ATAD1: variants seen among roughly 807,000 people sequenced by gnomAD.
ATAD1 encodes the protein outer mitochondrial transmembrane helix translocase.
ATAD1 carries 18 observed loss-of-function variants against 42.7 expected under a neutral mutation model. The ratio of observed to expected loss-of-function variants is 0.42; its 90% CI spans 0.29 to 0.63. The LOEUF (loss-of-function observed/expected upper bound fraction) is 0.63. Ranked by LOEUF, ATAD1 falls within the 20% of genes least tolerant of loss-of-function variation. The pLI is 0.19. For synonymous variants in ATAD1, 132 were observed against 143.1 expected (o/e 0.92, Z 0.55); for missense variants, 294 against 440.4 (o/e 0.67, Z 2.98).
chr10:87,809,665 ATTTATTTTG>A (rs1857090532), intron 2 of ATAD1, among the ~76,000 whole-genome samples: 1 of 150,592 alleles, frequency 6.6e-6, no homozygotes, highest in Non-Finnish European at 1.5e-5. Flanking sequence ...TTATTTATTT[ATTTATTTTG>A]AGATGGAGTT....
intron 2 of ATAD1, among the ~76,000 whole-genome samples, chr10:87,813,342 A>T (rs892622484): frequency 4.6e-5 from 7 of 151,684 alleles, no homozygotes; most frequent in Non-Finnish European, 5.9e-5. Flanking sequence ...ATATACTCAA[A>T]CTAGTTTTTC....
At chr10:87,776,093 T>C (rs186475806) in intron 6 of ATAD1, among the ~76,000 whole-genome samples, 14 of 152,324 alleles carry the variant, frequency 9.2e-5, no homozygotes, top group African/African-American at 2.9e-4. Context: ...TCTTCTGCTG[T>C]GTCTGTTTCA....
At chr10:87,767,202 C>T (rs1163804350) in intron 8 of ATAD1, among the ~76,000 whole-genome samples, 1 of 152,058 alleles carries the variant, frequency 6.6e-6, no homozygotes, top group East Asian at 1.9e-4. Context: ...ACCATAGTTA[C>T]TGAGTTACAT....
At chr10:87,796,705 A>G (rs1296328853) in intron 2 of ATAD1, among the ~76,000 whole-genome samples, 1 of 152,196 alleles carries the variant, frequency 6.6e-6, no homozygotes, top group Non-Finnish European at 1.5e-5. Flanking sequence ...CATTTTGGTG[A>G]CCATGAAGGG....
chr10:87,812,141 G>T (rs1487386830), intron 2 of ATAD1, among the ~76,000 whole-genome samples: 1 of 152,120 alleles, frequency 6.6e-6, no homozygotes, highest in African/African-American at 2.4e-5. Flanking sequence ...CTTGCTTCTA[G>T]TACCTCTTGA....
intron 2 of ATAD1, among the ~76,000 whole-genome samples, chr10:87,802,438 TG>T (rs1363770717): frequency 6.6e-6 from 1 of 152,302 alleles, no homozygotes; most frequent in African/African-American, 2.4e-5. Flanking sequence ...TACAAATCCA[TG>T]GCTGGGCTTG....
intron 1 of ATAD1, among the ~76,000 whole-genome samples, chr10:87,831,092 T>C (rs1021790054): frequency 2.0e-5 from 3 of 152,196 alleles, no homozygotes; most frequent in African/African-American, 7.2e-5. Flanking sequence ...CTTGGTTTTC[T>C]CATGTATAAA....
At chr10:87,756,396 T>G (rs929866768) in intron 9 of ATAD1, among the ~76,000 whole-genome samples, 2 of 152,244 alleles carry the variant, frequency 1.3e-5, no homozygotes, top group South Asian at 2.1e-4. Context: ...TCACTATACT[T>G]TGGAACTGGT....
At chr10:87,783,298 G>A (rs1855658598) in intron 5 of ATAD1, among the ~76,000 whole-genome samples, 1 of 152,036 alleles carries the variant, frequency 6.6e-6, no homozygotes, top group Admixed American at 6.6e-5. Flanking sequence ...TTGAGCCTGG[G>A]GAGGTTGAGG....
chr10:87,786,954 CAA>C (rs762275082), intron 4 of ATAD1, among the ~76,000 whole-genome samples: 6 of 128,254 alleles, frequency 4.7e-5, no homozygotes, highest in East Asian at 2.3e-4. Context: ...GACTCCGTCT[CAA>C]AAAAAAAAAA....
intron 5 of ATAD1, among the ~76,000 whole-genome samples, chr10:87,781,606 T>C (rs1855561786): frequency 6.6e-6 from 1 of 152,000 alleles, no homozygotes; most frequent in African/African-American, 2.4e-5. Flanking sequence ...CAGAACTAAA[T>C]GACAAACTGT....
At chr10:87,812,770 A>G (rs1221875445) in intron 2 of ATAD1, among the ~76,000 whole-genome samples, 1 of 152,172 alleles carries the variant, frequency 6.6e-6, no homozygotes, top group African/African-American at 2.4e-5. Context: ...TGTATTTTTT[A>G]TCAGCCTCAG....
At chr10:87,758,848 T>C (rs943201144) in intron 8 of ATAD1, among the ~76,000 whole-genome samples, 2 of 152,158 alleles carry the variant, frequency 1.3e-5, no homozygotes, top group African/African-American at 2.4e-5. Flanking sequence ...TAATTACATA[T>C]AAAAATGGGC....
At chr10:87,802,347 C>T (rs1194829323) in intron 2 of ATAD1, among the ~76,000 whole-genome samples, 1 of 152,150 alleles carries the variant, frequency 6.6e-6, no homozygotes, top group Non-Finnish European at 1.5e-5. Context: ...AAGAATGTCA[C>T]TTTCTGACAG....
At chr10:87,791,030 C>CAAAAAAAAAAAAAAA in intron 3 of ATAD1, among the ~76,000 whole-genome samples, 1 of 66,276 alleles carries the variant, frequency 1.5e-5, no homozygotes, top group Non-Finnish European at 2.9e-5. Flanking sequence ...ACTAAAATTA[C>CAAAAAAAAAAAAAAA]AAAAAAAAAA....
At chr10:87,786,206 C>T (rs1240228172) in intron 4 of ATAD1, among the ~76,000 whole-genome samples, 1 of 152,156 alleles carries the variant, frequency 6.6e-6, no homozygotes, top group Non-Finnish European at 1.5e-5. Context: ...CTTTTATACA[C>T]ATGTTACTTA....
chr10:87,827,861 G>T (rs893835446), intron 1 of ATAD1, among the ~76,000 whole-genome samples: 1 of 152,142 alleles, frequency 6.6e-6, no homozygotes, highest in Non-Finnish European at 1.5e-5. Flanking sequence ...AGTGAAAAAA[G>T]GTATGTTGAA....
chr10:87,828,960 A>G (rs1011134919), intron 1 of ATAD1, among the ~76,000 whole-genome samples: 1 of 152,230 alleles, frequency 6.6e-6, no homozygotes. Flanking sequence ...GTTCAGAAAT[A>G]AATGATTCAT....
intron 7 of ATAD1, among the ~76,000 whole-genome samples, chr10:87,769,030 TA>T (rs1854902776): frequency 6.6e-6 from 1 of 152,146 alleles, no homozygotes; most frequent in Non-Finnish European, 1.5e-5. Context: ...CAGTGGGCTA[TA>T]ATTTATAATT....
Sources: allele counts gnomAD v4.1 joint callset (sites outside exome capture counted in the v4.1 genomes callset), GRCh38; gene constraint gnomAD v4.1.1; transcripts MANE v1.5; gene names NCBI Gene and HGNC (gene_info 2026-07-23, HGNC 2026-07-21).